Variants in MTMR14 observed in about 807,000 individuals in gnomAD.
The protein encoded by MTMR14 is phosphatidylinositol-3,5-bisphosphate 3-phosphatase MTMR14.
MTMR14 carries 48 observed loss-of-function variants against 86.3 expected under a neutral mutation model. The observed-to-expected ratio is 0.56, with a 90% CI of 0.44 to 0.71. The LOEUF is 0.71. Ranked by LOEUF, MTMR14 falls within the 30% of genes least tolerant of loss-of-function variation. The pLI is 0.00. For missense variants in MTMR14, 780 were observed against 834.6 expected (o/e 0.93, Z 0.81); for synonymous variants, 366 against 326.1 (o/e 1.12, Z -1.32).
Position 9,679,986 on chromosome 3 carries a change from G to C in MTMR14, c.897+1928G>C, listed in dbSNP as rs148093297. 6.6e-5 allele frequency among the ~76,000 whole-genome samples: 10 copies of C among 152,234 alleles called. No homozygotes were observed. The East Asian group carries it at 1.9e-3, about 29-fold the overall frequency. ...GGTGTGGGCTCTGCCTTTTCTGCCC[G>C]CAAAGCCCTGGGGTGCCGGTACCCT... On this transcript the variant is annotated intron_variant, in intron 9 of 18. Transcript: ENST00000296003.
chr3:9,695,807 G>A (rs916016453), intron 17 of MTMR14, among the ~76,000 whole-genome samples: 1 of 152,206 alleles, frequency 6.6e-6, no homozygotes. Context: ...CCTGCAGCTT[G>A]AACAATAGAC....
chr3:9,680,558 G>A (rs2075727353), intron 9 of MTMR14, among the ~76,000 whole-genome samples: 1 of 152,206 alleles, frequency 6.6e-6, no homozygotes, highest in Admixed American at 6.5e-5. Context: ...TCTTCCTGCA[G>A]CCCATGGCCG....
intron 3 of MTMR14, among the ~76,000 whole-genome samples, chr3:9,667,440 A>ATT (rs200578459): frequency 2.0e-5 from 3 of 150,372 alleles, no homozygotes; most frequent in African/African-American, 7.3e-5. Flanking sequence ...ATGTGTACAT[A>ATT]TTTTTTTTTT....
intron 3 of MTMR14, among the ~76,000 whole-genome samples, chr3:9,668,456 T>C (rs910243779): frequency 1.3e-5 from 2 of 152,214 alleles, no homozygotes; most frequent in Non-Finnish European, 2.9e-5. Flanking sequence ...GTGGTACACA[T>C]GCAACAACCA....
intron 17 of MTMR14, among the ~76,000 whole-genome samples, chr3:9,693,454 C>G (rs983372928): frequency 6.6e-6 from 1 of 152,240 alleles, no homozygotes; most frequent in Admixed American, 6.5e-5. Flanking sequence ...TACAGATAGC[C>G]TGCTGTTGAC....
chr3:9,684,712 G>A lies in MTMR14; in HGVS notation c.1050+42G>A, dbSNP rs539864941. 7.5e-6 allele frequency: 12 copies of A among 1,608,560 alleles called. No individual in the cohort carries two copies. The African/African-American group carries it at 1.2e-4, about 16-fold the overall frequency. On this transcript the variant is annotated intron_variant, in intron 11 of 18. Coordinates refer to ENST00000296003, the MANE Select transcript of MTMR14 (RefSeq NM_001077525.3). ...CCCTACCAAGCTCTGCTCTTTGGGT[G>A]TGTTAGGATTGTCTCCAGACAGAGG...
At chr3:9,689,914 G>T (rs2076084969) in intron 16 of MTMR14, 50 bp from the exon 17 acceptor site, 2 of 1,561,126 alleles carry the variant, frequency 1.3e-6, no homozygotes, top group Non-Finnish European at 1.7e-6. Context: ...TGGGCAGAGG[G>T]CTTTGCCTGC....
At chr3:9,687,723 T>A in intron 13 of MTMR14, 98 bp from the exon 14 acceptor site, 1 of 970,372 alleles carries the variant, frequency 1.0e-6, no homozygotes, top group South Asian at 1.4e-5. Context: ...AGGGCCGCTC[T>A]CCAGCAGGGG....
In MTMR14 at chr3:9,677,304, CCTT is replaced by C. The variant is rs754287246; in HGVS notation, c.752-9_752-7del. 6.2e-7 allele frequency: 1 copy of C among 1,613,582 alleles called. No homozygotes were observed. The highest frequency in any genetic ancestry group is 1.3e-5 in the African/African-American group (1 of 75,014). On this transcript the variant is annotated splice_polypyrimidine_tract_variant and intron_variant, in intron 7 of 18. Transcript: ENST00000296003. The surrounding 1 kb of genome is among the most constrained non-coding windows in gnomAD (Gnocchi z 4.2). ...GGGAAGGGAGATGTCATAACTCTGC[CCTT>C]CTTTTCCAGGCTGTGAATTTTTCAA...
intron 13 of MTMR14, among the ~76,000 whole-genome samples, chr3:9,686,416 C>T (rs144163063): frequency 1.3e-5 from 2 of 152,198 alleles, no homozygotes; most frequent in Non-Finnish European, 2.9e-5. Flanking sequence ...TGAGTTTGAG[C>T]CCTTGGCATC....
chr3:9,674,956 A>G (rs980830433), intron 7 of MTMR14, among the ~76,000 whole-genome samples: 1 of 152,246 alleles, frequency 6.6e-6, no homozygotes, highest in Non-Finnish European at 1.5e-5. Context: ...TACTAAAAAT[A>G]CAAAATTAGC....
chr3:9,661,820 C>T (rs575652749), intron 2 of MTMR14, among the ~76,000 whole-genome samples: 2 of 151,162 alleles, frequency 1.3e-5, no homozygotes, highest in East Asian at 3.9e-4. Flanking sequence ...CTTAATATAT[C>T]TCATGCCTGT....
At position 9,688,979 on chromosome 3, in the gene MTMR14, A is replaced by G. The variant is rs749113475; in HGVS notation, c.1330A>G (p.Ser444Gly). ...KDRGSTTSLG[S>G]DFSLVMESSP... ...CCGTGGCAGCACCACCAGCCTTGGC[A>G]GCGACTTCTCCCTGGTCATGGAGAG... Residue 444 changes from serine (S) to glycine (G), a missense_variant, in exon 16 of 19, where the codon AGC becomes GGC. Physicochemically the swap from Ser to Gly is moderately conservative, Grantham distance 56 (BLOSUM62 0). Transcript: ENST00000296003. 5 of 1,613,992 alleles carry G rather than the reference A, an allele frequency of 3.1e-6. No homozygotes were observed. In the East Asian group the frequency reaches 1.1e-4, roughly 36 times the overall value.
At chr3:9,672,016 G>T (rs995337806) in intron 6 of MTMR14, among the ~76,000 whole-genome samples, 1 of 152,198 alleles carries the variant, frequency 6.6e-6, no homozygotes, top group South Asian at 2.1e-4. Context: ...TTCAGAAGTG[G>T]GCTCAGTGAC....
intron 17 of MTMR14, among the ~76,000 whole-genome samples, chr3:9,693,586 A>G (rs1420628684): frequency 2.6e-5 from 4 of 152,248 alleles, no homozygotes; most frequent in African/African-American, 9.6e-5. Context: ...AAGGGAACCT[A>G]TATTTCCTGT....
In MTMR14 at chr3:9,702,225, A is replaced by G. The variant is rs140133818; in HGVS notation, c.*252A>G. 3.8e-4 allele frequency: 214 copies of G among 560,424 alleles called. 1 individual carries two copies. The highest frequency in any genetic ancestry group is 3.7e-3 in the African/African-American group (199 of 53,242). The allele number at this position is 560,424 out of a possible 1,614,324, so 34.7% of individuals were successfully genotyped here. A position where few individuals can be genotyped will look rare whatever the true frequency, so the allele number is the denominator to read the frequency against. ...CCACCCCATCTTTGCTGGGATTCCC[A>G]TCAACTCTCAGAACTGTGTGGGGTT... On this transcript the variant is annotated 3_prime_UTR_variant, in exon 19 of 19. Transcript: ENST00000296003.
chr3:9,693,008 T>C (rs963231754), intron 17 of MTMR14, among the ~76,000 whole-genome samples: 2 of 152,232 alleles, frequency 1.3e-5, no homozygotes, highest in African/African-American at 4.8e-5. Flanking sequence ...TCCATTTTCT[T>C]ATCTGTGTAA....
At chr3:9,687,224 T>G (rs2125300066) in intron 13 of MTMR14, among the ~76,000 whole-genome samples, 1 of 152,204 alleles carries the variant, frequency 6.6e-6, no homozygotes, top group African/African-American at 2.4e-5. Flanking sequence ...TTTTAACCAC[T>G]TGAGAACACA....
At chr3:9,683,703 G>T (rs937459477) in intron 10 of MTMR14, 1 of 160,370 alleles carries the variant, frequency 6.2e-6, no homozygotes, top group Admixed American at 5.9e-5. Flanking sequence ...TAGGGCAGAC[G>T]GACTCTAAAT....
Sources: gnomAD v4.1 joint callset for allele counts (sites outside exome capture counted in the v4.1 genomes callset) on GRCh38, gnomAD v4.1.1 for gene constraint, Gnocchi (gnomAD v3.1) non-coding constraint, MANE v1.5 for transcripts, NCBI Gene and HGNC (gene_info 2026-07-23, HGNC 2026-07-21) for gene names.